The following KCNQ1 variants were observed in gnomAD, a reference collection of about 807,000 sequenced individuals.
KCNQ1 encodes the protein potassium voltage-gated channel subfamily KQT member 1.
KCNQ1 carries 49 observed loss-of-function variants against 72.4 expected under a neutral mutation model. The observed-to-expected ratio is 0.68, with a 90% CI of 0.54 to 0.86. KCNQ1 has a LOEUF of 0.86. Among genes scored for constraint, KCNQ1 ranks in the 40% least tolerant of loss-of-function variants. The pLI is 0.00. For missense variants in KCNQ1, 790 were observed against 945.1 expected (o/e 0.84, Z 2.15); for synonymous variants, 450 against 412.6 (o/e 1.09, Z -1.10).
At chr11:2,662,990 CTGGCCTTGCAAATCACT>C in intron 11 of KCNQ1, 1 of 398,746 alleles carries the variant, frequency 2.5e-6, no homozygotes, top group Non-Finnish European at 4.4e-6. Flanking sequence ...GGTGCAAGGC[CTGGCCTTGCAAATCACT>C]GAGGAAATCG....
chr11:2,635,714 G>T (rs1456304837), intron 10 of KCNQ1: 1 of 152,108 alleles, frequency 6.6e-6, no homozygotes, highest in Non-Finnish European at 1.5e-5. Flanking sequence ...TTCCAATTCT[G>T]TGAAGAAAGT....
intron 15 of KCNQ1, among the ~76,000 whole-genome samples, chr11:2,820,130 G>A (rs1847700210): frequency 6.6e-6 from 1 of 151,846 alleles, no homozygotes; most frequent in African/African-American, 2.4e-5. Context: ...ATTTGTTTTG[G>A]TGTTCTTTTT....
Position 2,663,102 on chromosome 11 carries a change from G to A in KCNQ1, c.1514+1021G>A. ...GAATGAGGCCACCTCCAGGGAAGGA[G>A]TGGCTATCTTAAGGGGTAATTATGA... On this transcript the variant is annotated intron_variant, in intron 11 of 15. Coordinates refer to ENST00000155840, the MANE Select transcript of KCNQ1 (RefSeq NM_000218.3). This position sits in a 1 kb window ranked among gnomAD's most constrained non-coding sequence, Gnocchi z 5.2. 1 of 398,696 alleles carries A rather than the reference G, an allele frequency of 2.5e-6. No individual in the cohort carries two copies. Among genetic ancestry groups the A allele is most frequent in the Non-Finnish European group, 4.4e-6 (1 of 226,128 alleles). The allele number at this position is 398,696 out of a possible 1,614,324, so 24.7% of individuals were successfully genotyped here.
intron 11 of KCNQ1, chr11:2,665,171 G>T (rs1026517402): frequency 5.0e-6 from 2 of 398,610 alleles, no homozygotes; most frequent in African/African-American, 2.1e-5. Context: ...AGCTCTGGGC[G>T]GCCAGGACTC....
chr11:2,648,074 G>A (rs572645973), intron 10 of KCNQ1: 16 of 395,458 alleles, frequency 4.0e-5, no homozygotes, highest in African/African-American at 2.1e-4. Flanking sequence ...AAAAATTAGC[G>A]AGGTGTGGTG....
chr11:2,459,979 G>A (rs537803010), intron 1 of KCNQ1, among the ~76,000 whole-genome samples: 50 of 152,254 alleles, frequency 3.3e-4, no homozygotes, highest in African/African-American at 1.1e-3. Context: ...TAGCTGACGT[G>A]AACCCCTGTT....
At chr11:2,531,505 G>A (rs922251038) in intron 2 of KCNQ1, among the ~76,000 whole-genome samples, 1 of 152,116 alleles carries the variant, frequency 6.6e-6, no homozygotes, top group African/African-American at 2.4e-5. Context: ...CCTCCAAGAT[G>A]GTCCTCATCC....
intron 11 of KCNQ1, chr11:2,686,789 A>G (rs1475193081): frequency 1.0e-5 from 4 of 398,540 alleles, no homozygotes; most frequent in South Asian, 1.3e-4. Flanking sequence ...ACTATGATGC[A>G]CAAGCAGCCC....
chr11:2,793,576 A>T (rs1300825769), intron 15 of KCNQ1, among the ~76,000 whole-genome samples: 3 of 152,202 alleles, frequency 2.0e-5, no homozygotes, highest in African/African-American at 4.8e-5. Flanking sequence ...GTGAGCCATG[A>T]TCACACCACT....
At chr11:2,618,041 G>A (rs1589984323) in intron 10 of KCNQ1, 1 of 398,364 alleles carries the variant, frequency 2.5e-6, no homozygotes, top group Non-Finnish European at 4.4e-6. Context: ...TAGTTTGATG[G>A]TATACCAATT....
rs117569161 is a variant in KCNQ1 at position 2,772,510 on chromosome 11, C to T, written c.1591-3450C>T. 1.2e-4 allele frequency among the ~76,000 whole-genome samples: 19 copies of T among 152,206 alleles called. No homozygotes were observed. The East Asian group carries it at 2.5e-3, about 20-fold the overall frequency. ...GACAAAGGCCCCCGTGAGCCCTAAC[C>T]GTATCCTAGCAGGCATCTCAGTGGC... On this transcript the variant is annotated intron_variant, in intron 12 of 15. Transcript: ENST00000155840. This position sits in a 1 kb window ranked among gnomAD's most constrained non-coding sequence, Gnocchi z 6.6.
chr11:2,797,954 C>G (rs891992976), intron 15 of KCNQ1, among the ~76,000 whole-genome samples: 2 of 152,198 alleles, frequency 1.3e-5, no homozygotes, highest in Non-Finnish European at 2.9e-5. Flanking sequence ...CATGGCCAAC[C>G]CAGGGCACCG....
rs138612103 is a variant in KCNQ1, at chr11:2,667,519, A to G, written c.1514+5438A>G. On this transcript the variant is annotated intron_variant, in intron 11 of 15. Coordinates refer to ENST00000155840, the MANE Select transcript of KCNQ1 (RefSeq NM_000218.3). ...ACGCCACAGAGGTGGCTGGAGGGCA[A>G]AGGACTTCACAACTGCACTGATATT... 4.2e-3 allele frequency: 1,487 copies of G among 353,382 alleles called. 24 individuals carry two copies. Among genetic ancestry groups the G allele is most frequent in the African/African-American group, 0.029 (1,343 of 46,762 alleles). The allele number at this position is 353,382 out of a possible 1,614,324, so 21.9% of individuals were successfully genotyped here. A position where few individuals can be genotyped will look rare whatever the true frequency, so the allele number is the denominator to read the frequency against.
intron 1 of KCNQ1, among the ~76,000 whole-genome samples, chr11:2,472,211 G>A (rs1406380101): frequency 6.6e-6 from 1 of 151,428 alleles, no homozygotes; most frequent in Admixed American, 6.6e-5. Context: ...GCACATGTGT[G>A]TAGGTGTGTG....
intron 11 of KCNQ1, chr11:2,689,281 A>T: frequency 2.5e-6 from 1 of 398,670 alleles, no homozygotes; most frequent in Non-Finnish European, 4.4e-6. Flanking sequence ...TTGCACAGAT[A>T]TCTCCCACTC....
chr11:2,667,577 G>C (rs1195477215), intron 11 of KCNQ1: 5 of 398,390 alleles, frequency 1.3e-5, no homozygotes, highest in Non-Finnish European at 2.2e-5. Context: ...TTGGGGCAGG[G>C]GGTCGGGGCG....
At chr11:2,749,192 C>T (rs1266367697) in intron 11 of KCNQ1, among the ~76,000 whole-genome samples, 1 of 152,190 alleles carries the variant, frequency 6.6e-6, no homozygotes, top group Non-Finnish European at 1.5e-5. Flanking sequence ...TCCGCCAGCA[C>T]CCCAGTAGGG....
At position 2,617,673 on chromosome 11, in the gene KCNQ1, C is replaced by T; in HGVS notation, c.1393+28819C>T. 1 of 398,406 alleles carries T rather than the reference C, an allele frequency of 2.5e-6. No homozygotes were observed. 24.7% of individuals were successfully genotyped at this position (398,406 alleles called of 1,614,324 possible). On this transcript the variant is annotated intron_variant, in intron 10 of 15. Coordinates refer to ENST00000155840, the MANE Select transcript of KCNQ1 (RefSeq NM_000218.3). This position sits in a 1 kb window ranked among gnomAD's most constrained non-coding sequence, Gnocchi z 4.6. ...ATTATGACTGCACCAATCTACAGTC[C>T]CACCAACACTGTACAAGAGTTCCCT...
chr11:2,637,894 A>C (rs1849501703), intron 10 of KCNQ1: 1 of 152,232 alleles, frequency 6.6e-6, no homozygotes, highest in African/African-American at 2.4e-5. Context: ...TATTTAAGAT[A>C]GTTAGCTCTT....
Sources: gnomAD v4.1 joint callset for allele counts (sites outside exome capture counted in the v4.1 genomes callset) on GRCh38, gnomAD v4.1.1 for gene constraint, Gnocchi (gnomAD v3.1) non-coding constraint, MANE v1.5 for transcripts, NCBI Gene and HGNC (gene_info 2026-07-23, HGNC 2026-07-21) for gene names.